Variants in ZHX2 observed in about 807,000 individuals in gnomAD.
ZHX2 encodes zinc fingers and homeoboxes protein 2.
A neutral mutation model predicts 21.9 loss-of-function variants in ZHX2; 6 were observed. That is an observed-to-expected ratio of 0.27 (90% CI 0.15 to 0.54). The LOEUF (loss-of-function observed/expected upper bound fraction) is 0.54, where lower values mean the gene tolerates loss of function less well. Ranked by LOEUF, ZHX2 falls within the 20% of genes least tolerant of loss-of-function variation. ZHX2 has a pLI of 0.95. For synonymous variants in ZHX2, 434 were observed against 437.1 expected, an observed-to-expected ratio of 0.99 and a Z score of 0.09; for missense variants, 908 against 1,090.7, an observed-to-expected ratio of 0.83 and a Z score of 2.36.
At chr8:122,883,420 A>G (rs1196014459) in intron 2 of ZHX2, among the ~76,000 whole-genome samples, 3 of 152,206 alleles carry the variant, frequency 2.0e-5, no homozygotes, top group African/African-American at 7.2e-5. Context: ...AAAGGCTGCA[A>G]ATGCATTACT....
chr8:122,825,885 C>T (rs539935386), intron 1 of ZHX2, among the ~76,000 whole-genome samples: 38 of 152,280 alleles, frequency 2.5e-4, no homozygotes, highest in Middle Eastern at 6.8e-3. Flanking sequence ...CATAAATTCC[C>T]CTCTCCCCCT....
chr8:122,831,535 C>T (rs879585942), intron 1 of ZHX2, among the ~76,000 whole-genome samples: 2 of 152,146 alleles, frequency 1.3e-5, no homozygotes, highest in Non-Finnish European at 2.9e-5. Flanking sequence ...CTCGGAAGTC[C>T]TCCTTTTCTT....
At chr8:122,936,175 C>T (rs189494750) in intron 2 of ZHX2, among the ~76,000 whole-genome samples, 2 of 152,296 alleles carry the variant, frequency 1.3e-5, no homozygotes, top group African/African-American at 4.8e-5. Flanking sequence ...TGGTAAGATG[C>T]AGATTGCTGG....
chr8:122,969,591 G>A (rs1341186023), intron 3 of ZHX2, among the ~76,000 whole-genome samples: 1 of 152,090 alleles, frequency 6.6e-6, no homozygotes, highest in Admixed American at 6.6e-5. Flanking sequence ...AGAAAGAAAA[G>A]ACGTTGCCTA....
intron 1 of ZHX2, among the ~76,000 whole-genome samples, chr8:122,816,214 T>G (rs1818032460): frequency 6.6e-6 from 1 of 152,110 alleles, no homozygotes. Context: ...AGATGATTAT[T>G]AGCATTTTTT....
At chr8:122,863,907 C>T (rs1462300880) in intron 2 of ZHX2, among the ~76,000 whole-genome samples, 2 of 152,056 alleles carry the variant, frequency 1.3e-5, no homozygotes, top group Non-Finnish European at 1.5e-5. Flanking sequence ...TGGCTCACAC[C>T]ATTTAGGAAA....
intron 1 of ZHX2, among the ~76,000 whole-genome samples, chr8:122,839,503 A>C (rs1818576796): frequency 6.6e-6 from 1 of 152,196 alleles, no homozygotes; most frequent in Non-Finnish European, 1.5e-5. Context: ...TCCAGCATTA[A>C]GGGAACAAAA....
At chr8:122,844,388 C>G (rs779871653) in intron 1 of ZHX2, among the ~76,000 whole-genome samples, 2 of 152,260 alleles carry the variant, frequency 1.3e-5, no homozygotes, top group Non-Finnish European at 2.9e-5. Flanking sequence ...ACCATGCCAC[C>G]TTCTCTGAGC....
At chr8:122,850,826 C>G (rs1236433702) in intron 1 of ZHX2, among the ~76,000 whole-genome samples, 1 of 151,870 alleles carries the variant, frequency 6.6e-6, no homozygotes, top group Non-Finnish European at 1.5e-5. Context: ...CTCCTCTGCC[C>G]CAGGCCTCCA....
At chr8:122,858,088 G>A (rs553292139) in intron 1 of ZHX2, among the ~76,000 whole-genome samples, 1 of 152,176 alleles carries the variant, frequency 6.6e-6, no homozygotes, top group Non-Finnish European at 1.5e-5. Context: ...GGCCGAGCTC[G>A]GGCCCCACGG....
intron 1 of ZHX2, among the ~76,000 whole-genome samples, chr8:122,824,970 A>T (rs13265755): frequency 1.3e-5 from 2 of 152,130 alleles, no homozygotes; most frequent in Admixed American, 6.5e-5. Context: ...CTCCAGCCGC[A>T]TCATTCCAAC....
chr8:122,877,402 A>G (rs1288292105), intron 2 of ZHX2, among the ~76,000 whole-genome samples: 1 of 152,196 alleles, frequency 6.6e-6, no homozygotes, highest in Non-Finnish European at 1.5e-5. Context: ...ACTCCATCCC[A>G]GGCACTATGT....
intron 1 of ZHX2, among the ~76,000 whole-genome samples, chr8:122,861,385 G>A (rs1043025091): frequency 3.9e-5 from 6 of 152,198 alleles, no homozygotes; most frequent in Admixed American, 6.5e-5. Context: ...GGAAGCAAGT[G>A]CAGTAGAACG....
At chr8:122,848,756 C>G (rs1240079226) in intron 1 of ZHX2, among the ~76,000 whole-genome samples, 4 of 152,190 alleles carry the variant, frequency 2.6e-5, no homozygotes, top group Non-Finnish European at 4.4e-5. Flanking sequence ...AGAGCAATTT[C>G]TAGTTGGCTG....
chr8:122,830,367 C>T (rs1310761790), intron 1 of ZHX2, among the ~76,000 whole-genome samples: 2 of 152,080 alleles, frequency 1.3e-5, no homozygotes, highest in Non-Finnish European at 2.9e-5. Context: ...TAGCCTTGCA[C>T]CTTGGGACTG....
chr8:122,863,116 G>A (rs1819206359), intron 1 of ZHX2, among the ~76,000 whole-genome samples: 3 of 152,046 alleles, frequency 2.0e-5, no homozygotes, highest in East Asian at 3.9e-4. Context: ...AACCATGAAG[G>A]GCCGCTGCCA....
At chr8:122,792,510 A>G (rs1254052136) in intron 1 of ZHX2, among the ~76,000 whole-genome samples, 2 of 152,160 alleles carry the variant, frequency 1.3e-5, no homozygotes, top group African/African-American at 2.4e-5. Flanking sequence ...GCTGGGTTGT[A>G]TAGTAACTCT....
At chr8:122,790,774 AT>A (rs1817500514) in intron 1 of ZHX2, among the ~76,000 whole-genome samples, 1 of 151,922 alleles carries the variant, frequency 6.6e-6, no homozygotes, top group Non-Finnish European at 1.5e-5. Flanking sequence ...TGCCTGGCTA[AT>A]TTTTGTATTT....
At chr8:122,843,090 G>A (rs1192685374) in intron 1 of ZHX2, among the ~76,000 whole-genome samples, 1 of 152,270 alleles carries the variant, frequency 6.6e-6, no homozygotes, top group Non-Finnish European at 1.5e-5. Context: ...CATGGTTGCA[G>A]TGGAGCATCC....
Sources: allele counts gnomAD v4.1 joint callset (sites outside exome capture counted in the v4.1 genomes callset), GRCh38; gene constraint gnomAD v4.1.1; transcripts MANE v1.5; gene names NCBI Gene and HGNC (gene_info 2026-07-23, HGNC 2026-07-21).